RBFOX1: variants seen among roughly 807,000 people sequenced by gnomAD.
RBFOX1 encodes RNA binding protein fox-1 homolog 1.
RBFOX1 carries 8 observed loss-of-function variants against 57.7 expected under a neutral mutation model. The ratio of observed to expected loss-of-function variants is 0.14; its 90% CI spans 0.08 to 0.25. The LOEUF is 0.25. Among genes scored for constraint, RBFOX1 ranks in the 10% least tolerant of loss-of-function variants. The pLI is 1.00. For synonymous variants in RBFOX1, 326 were observed against 222.4 expected, an observed-to-expected ratio of 1.47 and a Z score of -4.15; for missense variants, 611 against 548.5, an observed-to-expected ratio of 1.11 and a Z score of -1.14.
intron 5 of RBFOX1, among the ~76,000 whole-genome samples, chr16:7,543,705 G>A (rs1254510116): frequency 2.8e-5 from 3 of 107,092 alleles, no homozygotes; most frequent in Non-Finnish European, 3.7e-5. Flanking sequence ...GTGTGTGTGT[G>A]TGTGTGTGTG....
chr16:6,050,024 C>G (rs1471070321), intron 1 of RBFOX1, among the ~76,000 whole-genome samples: 1 of 149,744 alleles, frequency 6.7e-6, no homozygotes, highest in Non-Finnish European at 1.5e-5. Context: ...GGCGTGATCT[C>G]AAAGGCTCAC....
At chr16:5,954,737 C>G (rs908331945) in intron 4 of RBFOX1, among the ~76,000 whole-genome samples, 2 of 152,104 alleles carry the variant, frequency 1.3e-5, no homozygotes, top group Non-Finnish European at 1.5e-5. Flanking sequence ...CTCTGCCACC[C>G]GGCACTTGGC....
chr16:7,079,964 A>T (rs1186907500), intron 4 of RBFOX1, among the ~76,000 whole-genome samples: 1 of 149,610 alleles, frequency 6.7e-6, no homozygotes, highest in Non-Finnish European at 1.5e-5. Context: ...CAGCTGAACT[A>T]TGCATTTAAA....
At chr16:7,689,898 C>A (rs2147315077) in intron 14 of RBFOX1, among the ~76,000 whole-genome samples, 2 of 152,092 alleles carry the variant, frequency 1.3e-5, no homozygotes, top group African/African-American at 4.8e-5. Context: ...CTAGAAGTAC[C>A]CTTTCTTGGA....
chr16:5,316,458 G>A (rs2064241472), intron 1 of RBFOX1, among the ~76,000 whole-genome samples: 1 of 152,132 alleles, frequency 6.6e-6, no homozygotes, highest in African/African-American at 2.4e-5. Context: ...GAGGCCAGAG[G>A]CTTCTGAATA....
intron 14 of RBFOX1, among the ~76,000 whole-genome samples, chr16:7,703,791 G>T (rs1002665202): frequency 1.3e-5 from 2 of 152,170 alleles, no homozygotes; most frequent in South Asian, 2.1e-4. Flanking sequence ...TTAAGTTCAA[G>T]TAAGTATATC....
chr16:6,509,369 C>A (rs560948326), intron 2 of RBFOX1, among the ~76,000 whole-genome samples: 2 of 152,136 alleles, frequency 1.3e-5, no homozygotes, highest in Non-Finnish European at 2.9e-5. Context: ...AGAATGAGAT[C>A]CTGTCATTTG....
intron 4 of RBFOX1, among the ~76,000 whole-genome samples, chr16:7,407,500 C>G (rs2098365679): frequency 6.6e-6 from 1 of 151,928 alleles, no homozygotes; most frequent in Non-Finnish European, 1.5e-5. Flanking sequence ...TCATATGCAT[C>G]TTTGTATCCC....
At position 5,409,541 on chromosome 16, in the gene RBFOX1, T is replaced by G. The variant is rs539335615; in HGVS notation, c.220-57675T>G. On this transcript the variant is annotated intron_variant, in intron 1 of 2. Coordinates refer to the RBFOX1 transcript ENST00000585867. Reference sequence around the variant, plus strand: ...CTTTGAAAGTTATAAAATGGGAATCTTTATTTTTCTCTTCATACTCAACAA... The same window carrying G: ...CTTTGAAAGTTATAAAATGGGAATCGTTATTTTTCTCTTCATACTCAACAA... 5.4e-4 allele frequency among the ~76,000 whole-genome samples: 83 copies of G among 152,366 alleles called. 1 individual carries two copies. Among genetic ancestry groups the G allele is most frequent in the African/African-American group, 1.9e-3 (80 of 41,600 alleles).
chr16:6,154,107 A>G (rs1052077757), intron 1 of RBFOX1, among the ~76,000 whole-genome samples: 5 of 152,200 alleles, frequency 3.3e-5, no homozygotes, highest in African/African-American at 1.2e-4. Context: ...TTTTGAAATC[A>G]GATGTTCCTG....
At chr16:5,651,036 C>CCTT (rs2049218602) in intron 3 of RBFOX1, among the ~76,000 whole-genome samples, 1 of 89,960 alleles carries the variant, frequency 1.1e-5, no homozygotes, top group Non-Finnish European at 2.4e-5. Context: ...AACACTACCT[C>CCTT]CTTCTTTTTT....
At chr16:7,108,427 A>G (rs1380591463) in intron 4 of RBFOX1, among the ~76,000 whole-genome samples, 1 of 152,196 alleles carries the variant, frequency 6.6e-6, no homozygotes, top group Non-Finnish European at 1.5e-5. Context: ...GATATTAAAC[A>G]TTACATAGTT....
intron 4 of RBFOX1, among the ~76,000 whole-genome samples, chr16:7,185,388 A>C (rs1267579652): frequency 1.3e-5 from 2 of 152,194 alleles, no homozygotes; most frequent in Non-Finnish European, 2.9e-5. Flanking sequence ...TCCTTAATGC[A>C]TTTGACAGAG....
At chr16:7,710,059 G>C (rs976344090) in intron 15 of RBFOX1, 205 of 1,001,330 alleles carry the variant, frequency 2.0e-4, no homozygotes, top group Non-Finnish European at 2.4e-4. Flanking sequence ...CTCAGTCATA[G>C]AAATTCAGCC....
At chr16:5,277,018 AT>A (rs1464769835) in intron 1 of RBFOX1, among the ~76,000 whole-genome samples, 2 of 152,196 alleles carry the variant, frequency 1.3e-5, no homozygotes, top group Non-Finnish European at 2.9e-5. Context: ...CAAAATTCAC[AT>A]TTGCAAAACT....
intron 2 of RBFOX1, among the ~76,000 whole-genome samples, chr16:6,461,479 G>T (rs1249237155): frequency 1.3e-5 from 2 of 152,260 alleles, no homozygotes; most frequent in East Asian, 3.9e-4. Context: ...TCCCATCCAT[G>T]ATCTTTCAGG....
chr16:7,102,054 G>A (rs983979954), intron 4 of RBFOX1, among the ~76,000 whole-genome samples: 86 of 152,250 alleles, frequency 5.6e-4, no homozygotes, highest in African/African-American at 2.0e-3. Flanking sequence ...ATGCTGGGCT[G>A]GCCCCACCCA....
In RBFOX1 at chr16:5,997,701, C is replaced by G. The variant is rs187168696; in HGVS notation, c.351+130366C>G. ...GAAGAGGAATGGTTTTCACATTTTC[C>G]CAAGGCAAACCGTCCAAGAGCAAAA... On this transcript the variant is annotated intron_variant, in intron 4 of 19. Coordinates refer to the RBFOX1 transcript ENST00000641259. 6.6e-5 allele frequency among the ~76,000 whole-genome samples: 10 copies of G among 152,248 alleles called. No homozygotes were observed. In the East Asian group the frequency reaches 1.9e-3, roughly 29 times the overall value.
chr16:7,369,312 T>A (rs2097526305), intron 4 of RBFOX1, among the ~76,000 whole-genome samples: 1 of 152,078 alleles, frequency 6.6e-6, no homozygotes, highest in African/African-American at 2.4e-5. Context: ...AGCCTGTTGT[T>A]GCATGCTTCA....
Sources: allele counts gnomAD v4.1 joint callset (sites outside exome capture counted in the v4.1 genomes callset), GRCh38; gene constraint gnomAD v4.1.1; transcripts MANE v1.5; gene names NCBI Gene and HGNC (gene_info 2026-07-23, HGNC 2026-07-21).